The following PKIB variants were observed in gnomAD, a reference collection of about 807,000 sequenced individuals.
PKIB encodes PKI-beta.
A neutral mutation model predicts 4.5 loss-of-function variants in PKIB; 2 were observed. That is an observed-to-expected ratio of 0.44 (90% CI 0.18 to 1.39). The LOEUF (loss-of-function observed/expected upper bound fraction) is 1.39. Ranked by LOEUF, PKIB falls within the 40% of genes most tolerant of loss-of-function variation. The pLI is 0.27. For missense variants in PKIB, 94 were observed against 92.6 expected (o/e 1.02, Z -0.06); for synonymous variants, 38 against 36.0 (o/e 1.06, Z -0.20).
chr6:122,593,401 T>C (rs1216161904), intron 3 of PKIB, among the ~76,000 whole-genome samples: 3 of 152,194 alleles, frequency 2.0e-5, no homozygotes, highest in African/African-American at 7.2e-5. Flanking sequence ...GAGACATTCA[T>C]TAATAAGGAA....
intron 1 of PKIB, among the ~76,000 whole-genome samples, chr6:122,625,133 A>G (rs1036675122): frequency 3.3e-5 from 5 of 152,196 alleles, no homozygotes; most frequent in Non-Finnish European, 5.9e-5. Flanking sequence ...TTGCCTATTA[A>G]AAATGTTTAT....
chr6:122,672,378 C>T (rs1777500179), intron 2 of PKIB, among the ~76,000 whole-genome samples: 2 of 152,186 alleles, frequency 1.3e-5, no homozygotes, highest in Non-Finnish European at 2.9e-5. Flanking sequence ...AACTAAATGA[C>T]ATTCAACATC....
At position 122,682,688 on chromosome 6, in the gene PKIB, C is replaced by T. The variant is rs78442282; in HGVS notation, c.-9+7544C>T. Among the ~76,000 whole-genome samples the T allele has an allele frequency of 1.6e-4, 25 of 152,230 alleles. No homozygotes were observed. The East Asian group carries it at 4.1e-3, about 25-fold the overall frequency. ...ATCCTGGGTGCTGCCCATCACCTCT[C>T]GTCTGCTGCTCTGGTCTCTCTGCTC... On this transcript the variant is annotated intron_variant, in intron 3 of 4. Coordinates refer to ENST00000368452, the MANE Select transcript of PKIB (RefSeq NM_181795.3).
chr6:122,550,158 A>G (rs1480377448), intron 2 of PKIB, among the ~76,000 whole-genome samples: 1 of 151,968 alleles, frequency 6.6e-6, no homozygotes, highest in Admixed American at 6.6e-5. Flanking sequence ...CAGGTGATCC[A>G]CCTGCCTCAG....
At chr6:122,499,349 A>G (rs1304979508) in intron 2 of PKIB, among the ~76,000 whole-genome samples, 1 of 152,182 alleles carries the variant, frequency 6.6e-6, no homozygotes, top group African/African-American at 2.4e-5. Flanking sequence ...CACCACATCA[A>G]AATTTATTCA....
At chr6:122,577,169 G>T (rs1773566896) in intron 2 of PKIB, among the ~76,000 whole-genome samples, 1 of 152,122 alleles carries the variant, frequency 6.6e-6, no homozygotes, top group Non-Finnish European at 1.5e-5. Context: ...GGGGCCACTG[G>T]TGGCTTGATT....
chr6:122,561,988 G>GTTTGTGTTTTT (rs1554220234), intron 2 of PKIB, among the ~76,000 whole-genome samples: 40 of 24,254 alleles, frequency 1.6e-3, no homozygotes, highest in East Asian at 0.01. Context: ...TTTTTTGTTT[G>GTTTGTGTTTTT]TTTTTGTTTT....
chr6:122,546,760 A>T (rs917767608), intron 2 of PKIB, among the ~76,000 whole-genome samples: 6 of 152,002 alleles, frequency 3.9e-5, no homozygotes, highest in South Asian at 2.1e-4. Flanking sequence ...ATTATTTTTT[A>T]AAAAACTTAT....
chr6:122,488,754 A>T (rs1253593588), intron 2 of PKIB, among the ~76,000 whole-genome samples: 2 of 152,220 alleles, frequency 1.3e-5, no homozygotes, highest in African/African-American at 4.8e-5. Context: ...ACGTCTGCTC[A>T]CTGCTCCTGG....
chr6:122,584,990 A>G (rs1405588577), intron 2 of PKIB, among the ~76,000 whole-genome samples: 3 of 152,112 alleles, frequency 2.0e-5, no homozygotes, highest in African/African-American at 4.8e-5. Context: ...ACCTAACAGC[A>G]TGAAAGTTAC....
At chr6:122,663,862 A>G (rs1326687488) in intron 2 of PKIB, among the ~76,000 whole-genome samples, 1 of 152,166 alleles carries the variant, frequency 6.6e-6, no homozygotes. Flanking sequence ...CCATAACACC[A>G]TATCTGTATT....
chr6:122,614,800 G>A (rs1208419988), intron 1 of PKIB, among the ~76,000 whole-genome samples: 1 of 152,156 alleles, frequency 6.6e-6, no homozygotes, highest in Non-Finnish European at 1.5e-5. Context: ...GTGTGTGTAT[G>A]TGTATGTGCA....
chr6:122,725,030 A>C, intron 4 of PKIB, 98 bp from the exon 5 acceptor site: 1 of 924,856 alleles, frequency 1.1e-6, no homozygotes, highest in Non-Finnish European at 1.6e-6. Context: ...AGGGCAAAAT[A>C]TGGACGGTGG....
At chr6:122,483,428 A>C (rs965491577) in intron 2 of PKIB, 8 of 152,194 alleles carry the variant, frequency 5.3e-5, no homozygotes, top group Non-Finnish European at 1.2e-4. Flanking sequence ...AATTTTGTGT[A>C]TGCATATAGA....
intron 2 of PKIB, among the ~76,000 whole-genome samples, chr6:122,497,239 A>C (rs183926910): frequency 6.6e-5 from 10 of 152,334 alleles, no homozygotes; most frequent in Non-Finnish European, 1.5e-4. Context: ...TTAAACATGG[A>C]AACAAAAAAC....
chr6:122,563,755 G>A (rs552744226), intron 2 of PKIB, among the ~76,000 whole-genome samples: 413 of 152,214 alleles, frequency 2.7e-3, no homozygotes, highest in African/African-American at 9.6e-3. Context: ...AAAGCCAGCA[G>A]TCACAGGCCT....
intron 2 of PKIB, among the ~76,000 whole-genome samples, chr6:122,485,241 A>C (rs1775731504): frequency 6.6e-6 from 1 of 151,160 alleles, no homozygotes; most frequent in Non-Finnish European, 1.5e-5. Context: ...TGTGGTAGCT[A>C]GGTGGTCTGT....
At chr6:122,626,703 G>T (rs1289747028) in intron 1 of PKIB, among the ~76,000 whole-genome samples, 3 of 152,140 alleles carry the variant, frequency 2.0e-5, no homozygotes, top group African/African-American at 7.2e-5. Context: ...GCCCTATGTG[G>T]CCAAGGGATC....
At chr6:122,609,341 C>A (rs575156742), upstream of PKIB, among the ~76,000 whole-genome samples, 274 of 152,268 alleles carry the variant, frequency 1.8e-3, 2 homozygotes, top group African/African-American at 6.3e-3. Flanking sequence ...CCTTGCTGAA[C>A]CTCAGTTTAC....
Sources: gnomAD v4.1 joint callset for allele counts (sites outside exome capture counted in the v4.1 genomes callset) on GRCh38, gnomAD v4.1.1 for gene constraint, MANE v1.5 for transcripts, NCBI Gene and HGNC (gene_info 2026-07-23, HGNC 2026-07-21) for gene names.